SPECC1L: variants seen among roughly 807,000 people sequenced by gnomAD.
SPECC1L encodes cytospin-A.
A neutral mutation model predicts 116.8 loss-of-function variants in SPECC1L; 40 were observed. The observed-to-expected ratio is 0.34, with a 90% confidence interval of 0.27 to 0.45. The LOEUF is 0.45. Ranked by LOEUF, SPECC1L falls within the 20% of genes least tolerant of loss-of-function variation. SPECC1L has a pLI of 1.00. For synonymous variants in SPECC1L, 504 were observed against 500.6 expected (o/e 1.01, Z -0.09); for missense variants, 1,110 against 1,373.6 (o/e 0.81, Z 3.03).
At chr22:24,333,753 C>T (rs1343414553) in intron 8 of SPECC1L, among the ~76,000 whole-genome samples, 1 of 151,946 alleles carries the variant, frequency 6.6e-6, no homozygotes, top group Non-Finnish European at 1.5e-5. Context: ...TGAGAAGGGC[C>T]TTCTCGGCAG....
intron 4 of SPECC1L, among the ~76,000 whole-genome samples, chr22:24,320,969 A>G (rs1310845375): frequency 1.3e-5 from 2 of 152,224 alleles, no homozygotes; most frequent in African/African-American, 4.8e-5. Flanking sequence ...TTAAAACCCC[A>G]CTTCTGGATT....
At position 24,371,979 on chromosome 22, in the gene SPECC1L, C is replaced by T. The variant is rs532616042; in HGVS notation, c.3087+2659C>T. ...CAGGTAATCTGCCTGCCTCAGCCTC[C>T]GAAACTGCTGGGATTACAAGCATGA... On this transcript the variant is annotated intron_variant, in intron 14 of 16. Transcript: ENST00000314328. Among the ~76,000 whole-genome samples the T allele has an allele frequency of 1.1e-3, 172 of 152,278 alleles. 2 individuals carry two copies. In the South Asian group the frequency reaches 0.034, roughly 30 times the overall value.
chr22:24,303,413 C>A (rs1298588235), intron 3 of SPECC1L, among the ~76,000 whole-genome samples: 1 of 152,168 alleles, frequency 6.6e-6, no homozygotes, highest in Non-Finnish European at 1.5e-5. Context: ...CTTCCATTGT[C>A]TCAGTGAACA....
intron 10 of SPECC1L, among the ~76,000 whole-genome samples, chr22:24,344,584 C>G (rs1360090553): frequency 9.9e-6 from 1 of 100,594 alleles, no homozygotes; most frequent in Non-Finnish European, 1.9e-5. Context: ...TGTGCAATTG[C>G]ATAAGACCAA....
At chr22:24,310,840 ATTTT>A (rs542415108) in intron 3 of SPECC1L, among the ~76,000 whole-genome samples, 43 of 151,996 alleles carry the variant, frequency 2.8e-4, no homozygotes, top group Non-Finnish European at 5.6e-4. Flanking sequence ...AGGATTTTTT[ATTTT>A]TAAGATTTTA....
At chr22:24,301,229 C>G (rs1367447470) in intron 2 of SPECC1L, among the ~76,000 whole-genome samples, 1 of 152,156 alleles carries the variant, frequency 6.6e-6, no homozygotes, top group Non-Finnish European at 1.5e-5. Context: ...TAACAAAGGT[C>G]TAATATCCAG....
At chr22:24,382,639 T>C (rs1320850421) in intron 14 of SPECC1L, among the ~76,000 whole-genome samples, 8 of 147,530 alleles carry the variant, frequency 5.4e-5, no homozygotes, top group Non-Finnish European at 7.4e-5. Flanking sequence ...GAGGCAGAGG[T>C]TGCAGTGAGC....
At chr22:24,413,109 C>G (rs1483612033) in intron 16 of SPECC1L, among the ~76,000 whole-genome samples, 2 of 152,214 alleles carry the variant, frequency 1.3e-5, no homozygotes, top group African/African-American at 2.4e-5. Context: ...CTGCCTTGTT[C>G]ATCTAGAGCG....
In SPECC1L at chr22:24,315,229, C is replaced by G. The variant is rs369651248; in HGVS notation, c.307+1763C>G. Among the ~76,000 whole-genome samples, 545 of 152,352 alleles carry G rather than the reference C, an allele frequency of 3.6e-3. 16 individuals carry two copies. The South Asian group carries it at 0.09, about 25-fold the overall frequency. ...TTGGCTTTATGCAGATTCTTCCTTC[C>G]ATTTCAGATTGGGCCTCCCTGTTAA... On this transcript the variant is annotated intron_variant, in intron 4 of 16. Coordinates refer to ENST00000314328, the MANE Select transcript of SPECC1L (RefSeq NM_015330.6).
intron 15 of SPECC1L, chr22:24,412,433 G>A: frequency 1.6e-6 from 1 of 632,422 alleles, no homozygotes; most frequent in Non-Finnish European, 2.9e-6. Flanking sequence ...GGTGTTGGTG[G>A]GTCACTGCAG....
chr22:24,307,553 T>C (rs534645097), intron 3 of SPECC1L, among the ~76,000 whole-genome samples: 1 of 152,188 alleles, frequency 6.6e-6, no homozygotes, highest in East Asian at 1.9e-4. Context: ...GTAGCTCAAT[T>C]TATTAATCTT....
At position 24,408,095 on chromosome 22, in the gene SPECC1L, A is replaced by G. The variant is rs189982385; in HGVS notation, c.3088-3493A>G. Among the ~76,000 whole-genome samples the G allele has an allele frequency of 3.9e-5, 6 of 152,316 alleles. No homozygotes were observed. In the East Asian group the frequency reaches 9.6e-4, roughly 24 times the overall value. On this transcript the variant is annotated intron_variant, in intron 14 of 16. Transcript: ENST00000314328. ...GAGAGTGAAAGTGAGTACTGCTCAC[A>G]GGATGCCTAGGGCAAGGGTTCCTGT... is the stretch of plus-strand genomic sequence containing the variant.
chr22:24,351,421 A>G (rs1439446851), intron 11 of SPECC1L, among the ~76,000 whole-genome samples: 1 of 152,206 alleles, frequency 6.6e-6, no homozygotes, highest in Non-Finnish European at 1.5e-5. Flanking sequence ...GATTAAATGC[A>G]TTAAGATTCT....
intron 14 of SPECC1L, among the ~76,000 whole-genome samples, chr22:24,370,560 G>GT (rs1287911274): frequency 6.6e-6 from 1 of 152,192 alleles, no homozygotes; most frequent in African/African-American, 2.4e-5. Flanking sequence ...TGATCTGGCA[G>GT]TTCCACTTCT....
At chr22:24,292,237 A>G (rs189774378) in intron 2 of SPECC1L, among the ~76,000 whole-genome samples, 1 of 152,300 alleles carries the variant, frequency 6.6e-6, no homozygotes, top group South Asian at 2.1e-4. Context: ...TGACAATAAG[A>G]TAAATTTACA....
At chr22:24,393,685 A>G (rs113694943) in intron 14 of SPECC1L, among the ~76,000 whole-genome samples, 2,776 of 152,256 alleles carry the variant, frequency 0.018, 48 homozygotes, top group Middle Eastern at 0.048. Context: ...TATAGTTGAC[A>G]TAATAAATTG....
chr22:24,293,081 A>G (rs2049186827), intron 2 of SPECC1L, among the ~76,000 whole-genome samples: 1 of 152,104 alleles, frequency 6.6e-6, no homozygotes, highest in South Asian at 2.1e-4. Flanking sequence ...AAAAAAATTA[A>G]GAAGAAAAGG....
chr22:24,366,521 A>G (rs965920413), intron 13 of SPECC1L, among the ~76,000 whole-genome samples: 2 of 152,120 alleles, frequency 1.3e-5, no homozygotes, highest in African/African-American at 4.8e-5. Context: ...AAATTGAGTC[A>G]CTTTGATGTA....
At chr22:24,374,119 A>T (rs1250690714) in intron 14 of SPECC1L, among the ~76,000 whole-genome samples, 2 of 151,958 alleles carry the variant, frequency 1.3e-5, no homozygotes, top group Non-Finnish European at 2.9e-5. Flanking sequence ...AAGTCAGGAA[A>T]CAACAGGTGC....
Sources: gnomAD v4.1 joint callset for allele counts (sites outside exome capture counted in the v4.1 genomes callset) on GRCh38, gnomAD v4.1.1 for gene constraint, MANE v1.5 for transcripts, NCBI Gene and HGNC (gene_info 2026-07-23, HGNC 2026-07-21) for gene names.